Variants in RAPGEF1 observed in about 807,000 individuals in gnomAD.
The protein encoded by RAPGEF1 is Rap guanine nucleotide exchange factor 1.
Under a neutral mutation model 143.3 loss-of-function variants are expected in RAPGEF1, and 33 were observed. That is an observed-to-expected ratio of 0.23 (90% CI 0.17 to 0.31). The LOEUF (loss-of-function observed/expected upper bound fraction) is 0.31. Ranked by LOEUF, RAPGEF1 falls within the 10% of genes least tolerant of loss-of-function variation. The pLI is 1.00. For missense variants in RAPGEF1, 1,199 were observed against 1,645.4 expected (o/e 0.73, Z 4.69); for synonymous variants, 629 against 676.5 (o/e 0.93, Z 1.09).
intron 1 of RAPGEF1, among the ~76,000 whole-genome samples, chr9:131,682,878 T>C (rs1227011714): frequency 1.3e-5 from 2 of 152,224 alleles, no homozygotes; most frequent in Non-Finnish European, 2.9e-5. Context: ...TGAGGCCAAT[T>C]CAACCCGCTC....
intron 1 of RAPGEF1, among the ~76,000 whole-genome samples, chr9:131,715,265 T>C (rs1325040009): frequency 2.6e-5 from 4 of 152,104 alleles, no homozygotes; most frequent in African/African-American, 7.2e-5. Flanking sequence ...TGATCAGTGC[T>C]AAATTCAGGG....
At chr9:131,607,023 G>A (rs928097066) in intron 12 of RAPGEF1, among the ~76,000 whole-genome samples, 1 of 152,132 alleles carries the variant, frequency 6.6e-6, no homozygotes, top group African/African-American at 2.4e-5. Flanking sequence ...GTGTACAGCC[G>A]TGGCCCCTTC....
In RAPGEF1 at chr9:131,604,064, C is replaced by T. The variant is rs1956716637; in HGVS notation, c.2320-11G>A. 7.6e-7 allele frequency: 1 copy of T among 1,314,630 alleles called. No individual in the cohort carries two copies. The highest frequency in any genetic ancestry group is 1.2e-5 in the South Asian group (1 of 82,296). 81.4% of individuals were successfully genotyped at this position (1,314,630 alleles called of 1,614,324 possible). ...ACTGGCGTTTTCACTCTGGGGGAGA[C>T]AGGACGAGAGGAAAGACACATGGGC... On this transcript the variant is annotated splice_polypyrimidine_tract_variant and intron_variant, in intron 13 of 26. Coordinates refer to ENST00000683357, the MANE Select transcript of RAPGEF1 (RefSeq NM_001377935.1).
chr9:131,604,845 T>C (rs1481535460), intron 13 of RAPGEF1, 86 bp downstream of exon 13: 5 of 1,214,138 alleles, frequency 4.1e-6, no homozygotes, highest in African/African-American at 1.6e-5. Context: ...TTCAGGAACG[T>C]GAAACCGCTT....
chr9:131,695,697 G>A (rs1260173772), intron 1 of RAPGEF1, among the ~76,000 whole-genome samples: 2 of 152,186 alleles, frequency 1.3e-5, no homozygotes, highest in African/African-American at 4.8e-5. Context: ...CTGTCCATAT[G>A]CAGCCATCTG....
chr9:131,663,626 G>A (rs775506199), intron 1 of RAPGEF1, among the ~76,000 whole-genome samples: 15 of 152,094 alleles, frequency 9.9e-5, no homozygotes, highest in Non-Finnish European at 1.5e-4. Flanking sequence ...GAGGTCCCCC[G>A]TAAGTTGGAT....
intron 1 of RAPGEF1, among the ~76,000 whole-genome samples, chr9:131,670,146 T>C (rs944108353): frequency 2.6e-5 from 4 of 152,162 alleles, no homozygotes; most frequent in African/African-American, 7.2e-5. Flanking sequence ...TCAGTTCTGC[T>C]TCACACACCA....
intron 1 of RAPGEF1, chr9:131,709,490 T>C (rs551683664): frequency 8.0e-5 from 59 of 739,084 alleles, no homozygotes; most frequent in Admixed American, 6.2e-4. Context: ...CTTGAAATCA[T>C]GTTGGACTAC....
chr9:131,578,117 C>G lies in RAPGEF1; in HGVS notation c.*1380G>C, dbSNP rs554826847. On this transcript the variant is annotated 3_prime_UTR_variant, in exon 27 of 27. Coordinates refer to ENST00000683357, the MANE Select transcript of RAPGEF1 (RefSeq NM_001377935.1). Reference sequence around the variant, plus strand: ...AGCACTCATTCATGCACAGCAGACCCGGAGGCATGGGCTGGGGCAGCACAA... The same window carrying G: ...AGCACTCATTCATGCACAGCAGACCGGGAGGCATGGGCTGGGGCAGCACAA... 6.6e-6 allele frequency: 1 copy of G among 152,286 alleles called. No homozygotes were observed. Among genetic ancestry groups the G allele is most frequent in the Non-Finnish European group, 1.5e-5 (1 of 68,078 alleles). The allele number at this position is 152,286 out of a possible 1,614,324, so 9.4% of individuals were successfully genotyped here. A position where few individuals can be genotyped will look rare whatever the true frequency, so the allele number is the denominator to read the frequency against.
rs1041313657 is a variant in RAPGEF1 at position 131,628,732 on chromosome 9, G to A, written c.894-60C>T. ...CACACTCACCAAAGCTCTTCAGCGTGATATTGGGGTACAGGATGTGGGGTT... is the reference window on the plus strand; with the variant it reads ...CACACTCACCAAAGCTCTTCAGCGTAATATTGGGGTACAGGATGTGGGGTT... On this transcript the variant is annotated intron_variant, in intron 7 of 26. Coordinates refer to ENST00000683357, the MANE Select transcript of RAPGEF1 (RefSeq NM_001377935.1). The surrounding 1 kb of genome is among the most constrained non-coding windows in gnomAD (Gnocchi z 5.7). The A allele has an allele frequency of 7.8e-6, 12 of 1,529,342 alleles. No homozygotes were observed. Among genetic ancestry groups the A allele is most frequent in the Non-Finnish European group, 1.1e-5 (12 of 1,133,416 alleles). 94.7% of individuals were successfully genotyped at this position (1,529,342 alleles called of 1,614,324 possible).
intron 1 of RAPGEF1, among the ~76,000 whole-genome samples, chr9:131,718,087 C>T (rs1260946364): frequency 6.6e-6 from 1 of 152,202 alleles, no homozygotes; most frequent in African/African-American, 2.4e-5. Flanking sequence ...ACATGATCAG[C>T]AAACGGTGGC....
chr9:131,681,314 C>T (rs927826334), intron 1 of RAPGEF1, among the ~76,000 whole-genome samples: 3 of 152,060 alleles, frequency 2.0e-5, no homozygotes, highest in African/African-American at 7.3e-5. Flanking sequence ...CTCGAGCGAC[C>T]ACTCTTAATT....
At chr9:131,624,246 T>A (rs549943853) in intron 10 of RAPGEF1, among the ~76,000 whole-genome samples, 160 of 152,322 alleles carry the variant, frequency 1.1e-3, no homozygotes, top group South Asian at 3.3e-3. Flanking sequence ...TTGGAGGTAA[T>A]AGAGCCTGCC....
intron 12 of RAPGEF1, among the ~76,000 whole-genome samples, chr9:131,609,405 C>G (rs1003227293): frequency 2.6e-5 from 4 of 152,184 alleles, no homozygotes; most frequent in Non-Finnish European, 5.9e-5. Flanking sequence ...TTCTGAAATA[C>G]TGAGGTGTAT....
chr9:131,587,924 G>T lies in RAPGEF1; in HGVS notation c.3138+18C>A. 1 of 1,605,742 alleles carries T rather than the reference G, an allele frequency of 6.2e-7. No individual in the cohort carries two copies. The highest frequency in any genetic ancestry group is 2.2e-5 in the East Asian group (1 of 44,640). ...AGGGACAAACAGTGTGGCTCCCCCT[G>T]GCAGGAGCAGCCTGTACCTCTATTT... On this transcript the variant is annotated intron_variant, in intron 21 of 26. Transcript: ENST00000683357.
At chr9:131,663,033 G>C (rs1025582174) in intron 1 of RAPGEF1, among the ~76,000 whole-genome samples, 5 of 151,844 alleles carry the variant, frequency 3.3e-5, no homozygotes, top group African/African-American at 1.2e-4. Context: ...ATTATGAAGC[G>C]AACGTCCACA....
chr9:131,735,329 T>C (rs748224757), intron 1 of RAPGEF1, among the ~76,000 whole-genome samples: 49 of 152,228 alleles, frequency 3.2e-4, no homozygotes, highest in Non-Finnish European at 5.9e-4. Context: ...CCACTGCCTG[T>C]GCCCAGCTAA....
In RAPGEF1 at chr9:131,626,105, C is replaced by T. The variant is rs781085034; in HGVS notation, c.1519G>A (p.Gly507Arg). The T allele has an allele frequency of 1.2e-6, 2 of 1,613,954 alleles. No individual in the cohort carries two copies. The highest frequency in any genetic ancestry group is 3.3e-5 in the Admixed American group (2 of 60,020). ...GGGGCTGTGCTCTGCAGGTCCTCCC[C>T]AGAGATGTTGTCATACTGCGAGGGA... is the stretch of plus-strand genomic sequence containing the variant. ...RHPSQYDNIS[G>R]EDLQSTAPIP... Residue 507 changes from glycine to arginine, a missense_variant, in exon 10 of 27, where the codon GGG becomes AGG. Coordinates refer to ENST00000683357, the MANE Select transcript of RAPGEF1 (RefSeq NM_001377935.1).
intron 18 of RAPGEF1, among the ~76,000 whole-genome samples, 180 bp downstream of exon 18, chr9:131,591,919 T>C (rs1373511772): frequency 1.3e-5 from 2 of 152,206 alleles, no homozygotes; most frequent in Non-Finnish European, 2.9e-5. Flanking sequence ...AGCTCAAAGC[T>C]GGAATGCGGG....
Sources: gnomAD v4.1 joint callset for allele counts (sites outside exome capture counted in the v4.1 genomes callset) on GRCh38, gnomAD v4.1.1 for gene constraint, Gnocchi (gnomAD v3.1) non-coding constraint, MANE v1.5 for transcripts, NCBI Gene and HGNC (gene_info 2026-07-23, HGNC 2026-07-21) for gene names.